MYH15: variants seen among roughly 807,000 people sequenced by gnomAD.
The protein encoded by MYH15 is myosin-15.
In MYH15, 227 loss-of-function variants were observed where a neutral mutation model predicts 240.5. That is an observed-to-expected ratio of 0.94 (90% CI 0.85 to 1.05). The LOEUF is 1.05. MYH15 is among the 50% of genes least tolerant of loss of function. The pLI, the probability that MYH15 is intolerant of heterozygous loss-of-function variation, is 0.00. For missense variants in MYH15, 2,217 were observed against 2,247.5 expected (o/e 0.99, Z 0.27); for synonymous variants, 785 against 796.7 (o/e 0.99, Z 0.25).
intron 5 of MYH15, among the ~76,000 whole-genome samples, chr3:108,498,360 G>C (rs1426911339): frequency 6.6e-6 from 1 of 152,186 alleles, no homozygotes; most frequent in Non-Finnish European, 1.5e-5. Flanking sequence ...AAAATCTGGA[G>C]TTAGAAAGAT....
In MYH15 at chr3:108,456,754, AT is replaced by A. The variant is rs1391027718; in HGVS notation, c.2138+11del. On this transcript the variant is annotated intron_variant, in intron 19 of 40. Transcript: ENST00000693548. ...TGCCTCAGGCTTCTTGGATCCTAGA[AT>A]GTAGGTTTACCTTTGTTTAAAATCA... is the stretch of plus-strand genomic sequence containing the variant. 1.3e-6 allele frequency: 2 copies of A among 1,579,638 alleles called. No individual in the cohort carries two copies. The highest frequency in any genetic ancestry group is 1.7e-6 in the Non-Finnish European group (2 of 1,149,180).
At chr3:108,407,606 C>T (rs2082556488) in intron 32 of MYH15, among the ~76,000 whole-genome samples, 1 of 152,154 alleles carries the variant, frequency 6.6e-6, no homozygotes, top group Non-Finnish European at 1.5e-5. Context: ...ACACTGAAAA[C>T]CCTCCTGTCA....
At position 108,426,818 on chromosome 3, in the gene MYH15, G is replaced by C. The variant is rs183070155; in HGVS notation, c.3702+1674C>G. Among the ~76,000 whole-genome samples the C allele has an allele frequency of 5.7e-4, 87 of 152,306 alleles. No homozygotes were observed. The East Asian group carries it at 0.01, about 18-fold the overall frequency. ...AATTCCTGAGAGCTCCTGCCAGGGGGGGGCAGTGCTACATGGGGCCCTGGG... is the reference window on the plus strand; with the variant it reads ...AATTCCTGAGAGCTCCTGCCAGGGGCGGGCAGTGCTACATGGGGCCCTGGG... On this transcript the variant is annotated intron_variant, in intron 27 of 40. Coordinates refer to ENST00000693548, the MANE Select transcript of MYH15 (RefSeq NM_014981.3).
chr3:108,548,489 T>C, the MYH15 span, among the ~76,000 whole-genome samples: 2 of 152,126 alleles, frequency 1.3e-5, no homozygotes, highest in African/African-American at 4.8e-5. Context: ...CATTTATGTA[T>C]TGTCTATGGC....
At chr3:108,509,390 C>T (rs1437422841) in intron 1 of MYH15, among the ~76,000 whole-genome samples, 7 of 152,060 alleles carry the variant, frequency 4.6e-5, no homozygotes, top group African/African-American at 1.4e-4. Flanking sequence ...TAACTACCTG[C>T]GATAAGCCTC....
At chr3:108,429,794 T>G (rs1221532188) in intron 26 of MYH15, among the ~76,000 whole-genome samples, 1 of 152,166 alleles carries the variant, frequency 6.6e-6, no homozygotes, top group Admixed American at 6.5e-5. Context: ...GTTCTATAGA[T>G]GAGGTATGAC....
intron 24 of MYH15, among the ~76,000 whole-genome samples, chr3:108,438,871 T>TGTGTGGGTGTGGGTAG (rs2082862527): frequency 6.6e-6 from 1 of 152,034 alleles, no homozygotes; most frequent in Admixed American, 6.6e-5. Flanking sequence ...TGTGGGTGGG[T>TGTGTGGGTGTGGGTAG]GTGTGGGTGT....
In MYH15 at chr3:108,403,496, CTT is replaced by C. The variant is rs34668097; in HGVS notation, c.4736+1840_4736+1841del. Among the ~76,000 whole-genome samples, 150 of 133,404 alleles carry C rather than the reference CTT, an allele frequency of 1.1e-3. 1 individual carries two copies. The highest frequency in any genetic ancestry group is 7.5e-3 in the Middle Eastern group (2 of 268). 87.5% of individuals were successfully genotyped at this position (133,404 alleles called of 152,430 possible). On this transcript the variant is annotated intron_variant, in intron 33 of 40. Coordinates refer to ENST00000693548, the MANE Select transcript of MYH15 (RefSeq NM_014981.3). ...TGATTGCTTGGAATCTTGTGTTTGGCTTTTTTTTTTTTTTTTTCCTCCTGGCA... is the reference window on the plus strand; with the variant it reads ...TGATTGCTTGGAATCTTGTGTTTGGCTTTTTTTTTTTTTTTCCTCCTGGCA...
rs950201852 is a variant in MYH15 at position 108,380,469 on chromosome 3, C to T, written c.*1076G>A. 6.6e-6 allele frequency: 1 copy of T among 152,492 alleles called. No individual in the cohort carries two copies. Among genetic ancestry groups the T allele is most frequent in the South Asian group, 2.1e-4 (1 of 4,834 alleles). 9.4% of individuals were successfully genotyped at this position (152,492 alleles called of 1,614,324 possible). A position where few individuals can be genotyped will look rare whatever the true frequency, so the allele number is the denominator to read the frequency against. On this transcript the variant is annotated 3_prime_UTR_variant, in exon 41 of 41. Transcript: ENST00000693548. Reference sequence around the variant, plus strand: ...GTTCCCTCTGCATCTGGTTCTGGGCCTGAAGTCACTGTAGGTCGACTGTGA... The same window carrying T: ...GTTCCCTCTGCATCTGGTTCTGGGCTTGAAGTCACTGTAGGTCGACTGTGA...
chr3:108,393,887 G>C, intron 36 of MYH15, 144 bp downstream of exon 36: 2 of 1,177,052 alleles, frequency 1.7e-6, no homozygotes, highest in South Asian at 2.9e-5. Context: ...TGAGAACAGG[G>C]AGGCAGAGAG....
chr3:108,433,131 G>T (rs559842336), intron 25 of MYH15, among the ~76,000 whole-genome samples: 1 of 152,338 alleles, frequency 6.6e-6, no homozygotes, highest in South Asian at 2.1e-4. Flanking sequence ...ATCTGCCCAA[G>T]ACAATGGGAA....
At position 108,437,705 on chromosome 3, in the gene MYH15, A is replaced by C; in HGVS notation, c.3076-6T>G. 1 of 1,608,746 alleles carries C rather than the reference A, an allele frequency of 6.2e-7. No homozygotes were observed. Reference sequence around the variant, plus strand: ...TGCTCAAGGGCACCCTCAAGCTGACAAAAGGAAACATTATTTAGCTAAATA... The same window carrying C: ...TGCTCAAGGGCACCCTCAAGCTGACCAAAGGAAACATTATTTAGCTAAATA... On this transcript the variant is annotated splice_polypyrimidine_tract_variant and splice_region_variant and intron_variant, in intron 24 of 40. Coordinates refer to ENST00000693548, the MANE Select transcript of MYH15 (RefSeq NM_014981.3).
intron 26 of MYH15, among the ~76,000 whole-genome samples, chr3:108,429,694 T>G (rs1054017481): frequency 6.6e-6 from 1 of 152,150 alleles, no homozygotes; most frequent in African/African-American, 2.4e-5. Context: ...ATAGAAACTG[T>G]TTTAGAATAT....
intron 1 of MYH15, among the ~76,000 whole-genome samples, chr3:108,519,024 C>A (rs2083596627): frequency 6.6e-6 from 1 of 152,040 alleles, no homozygotes; most frequent in Admixed American, 6.5e-5. Context: ...TAGAGCAGAC[C>A]CATCAGTCTG....
intron 9 of MYH15, among the ~76,000 whole-genome samples, 192 bp from the exon 10 acceptor site, chr3:108,486,718 A>T (rs1165793218): frequency 2.6e-5 from 4 of 152,198 alleles, no homozygotes; most frequent in Non-Finnish European, 5.9e-5. Flanking sequence ...TCATGTGTTA[A>T]TGCCTCCCAA....
At chr3:108,542,155 C>A in the MYH15 span, among the ~76,000 whole-genome samples, 1 of 152,072 alleles carries the variant, frequency 6.6e-6, no homozygotes, top group Non-Finnish European at 1.5e-5. Flanking sequence ...TATCTTCACA[C>A]GGAAGATAGT....
chr3:108,511,825 A>G (rs2083524598), upstream of MYH15, among the ~76,000 whole-genome samples: 1 of 152,208 alleles, frequency 6.6e-6, no homozygotes, highest in South Asian at 2.1e-4. Context: ...ATTTTACTGC[A>G]CTTAATCTGC....
At chr3:108,469,447 G>A (rs1456893296) in intron 14 of MYH15, among the ~76,000 whole-genome samples, 1 of 152,188 alleles carries the variant, frequency 6.6e-6, no homozygotes, top group African/African-American at 2.4e-5. Flanking sequence ...CCCAGAACAT[G>A]CAGAAAGATT....
In MYH15 at chr3:108,456,650, C is replaced by G. The variant is rs80281830; in HGVS notation, c.2138+116G>C. On this transcript the variant is annotated intron_variant, in intron 19 of 40. Coordinates refer to ENST00000693548, the MANE Select transcript of MYH15 (RefSeq NM_014981.3). ...ATATCTTCCCACCACCAAAACACAT[C>G]GATTTGTAGTCTGGAGGACATCAAC... 1.2e-3 allele frequency: 885 copies of G among 711,718 alleles called. 9 individuals are homozygous for G. In the African/African-American group the frequency reaches 0.014, roughly 11 times the overall value. The allele number at this position is 711,718 out of a possible 1,614,324, so 44.1% of individuals were successfully genotyped here. A position where few individuals can be genotyped will look rare whatever the true frequency, so the allele number is the denominator to read the frequency against.
Sources: gnomAD v4.1 joint callset for allele counts (sites outside exome capture counted in the v4.1 genomes callset) on GRCh38, gnomAD v4.1.1 for gene constraint, MANE v1.5 for transcripts, NCBI Gene and HGNC (gene_info 2026-07-23, HGNC 2026-07-21) for gene names.